CDH4: variants seen among roughly 807,000 people sequenced by gnomAD.
CDH4 encodes cadherin-4.
Under a neutral mutation model 86.0 loss-of-function variants are expected in CDH4, and 33 were observed. That is an observed-to-expected ratio of 0.38 (90% CI 0.29 to 0.51). The LOEUF (loss-of-function observed/expected upper bound fraction) is 0.51. CDH4 is among the 20% of genes least tolerant of loss of function. The pLI is 0.86. For synonymous variants in CDH4, 555 were observed against 549.4 expected, an observed-to-expected ratio of 1.01 and a Z score of -0.14; for missense variants, 1,114 against 1,307.4, an observed-to-expected ratio of 0.85 and a Z score of 2.28.
intron 2 of CDH4, among the ~76,000 whole-genome samples, chr20:61,474,227 C>T (rs1405868906): frequency 1.6e-5 from 2 of 123,612 alleles, no homozygotes; most frequent in East Asian, 2.6e-4. Context: ...GTGGCGCAAT[C>T]TTGGCTCACT....
chr20:61,813,915 C>A (rs535874386), intron 4 of CDH4, among the ~76,000 whole-genome samples: 1 of 152,308 alleles, frequency 6.6e-6, no homozygotes, highest in African/African-American at 2.4e-5. Context: ...GCAGCTGAGG[C>A]CCTGGCCCAC....
chr20:61,674,711 T>C (rs1348074595), intron 2 of CDH4, among the ~76,000 whole-genome samples: 1 of 152,218 alleles, frequency 6.6e-6, no homozygotes, highest in Admixed American at 6.5e-5. Flanking sequence ...TGAAAAATTG[T>C]TCATGCGAAA....
chr20:61,649,230 GC>G (rs928537837), intron 2 of CDH4, among the ~76,000 whole-genome samples: 1 of 152,042 alleles, frequency 6.6e-6, no homozygotes, highest in African/African-American at 2.4e-5. Context: ...ACCCCACAGG[GC>G]CCCCCGAGCA....
intron 2 of CDH4, among the ~76,000 whole-genome samples, chr20:61,635,652 G>T (rs1202533313): frequency 4.6e-5 from 7 of 152,208 alleles, no homozygotes; most frequent in Non-Finnish European, 7.3e-5. Flanking sequence ...CACCACCAGA[G>T]AGGGCATCCC....
intron 2 of CDH4, among the ~76,000 whole-genome samples, chr20:61,735,627 TCTGC>T (rs2088253619): frequency 1.3e-5 from 2 of 152,178 alleles, no homozygotes; most frequent in Admixed American, 6.5e-5. Flanking sequence ...TGAGGCCACA[TCTGC>T]CCCCTCCGCT....
intron 2 of CDH4, among the ~76,000 whole-genome samples, chr20:61,639,992 T>C (rs1025059362): frequency 6.6e-6 from 1 of 152,204 alleles, no homozygotes; most frequent in Non-Finnish European, 1.5e-5. Context: ...TACTGTCTTA[T>C]AGGAGTTCTG....
intron 2 of CDH4, among the ~76,000 whole-genome samples, chr20:61,483,676 C>A (rs2085580271): frequency 6.7e-6 from 1 of 149,254 alleles, no homozygotes; most frequent in African/African-American, 2.5e-5. Flanking sequence ...CACCCGCCCC[C>A]CCCGCCCCGC....
chr20:61,440,454 C>T (rs1201966545), intron 2 of CDH4, among the ~76,000 whole-genome samples: 1 of 152,154 alleles, frequency 6.6e-6, no homozygotes, highest in African/African-American at 2.4e-5. Context: ...ATGTCTTTCA[C>T]CCTAAAAGTT....
At chr20:61,599,190 T>C (rs1211383506) in intron 2 of CDH4, among the ~76,000 whole-genome samples, 1 of 152,162 alleles carries the variant, frequency 6.6e-6, no homozygotes, top group Non-Finnish European at 1.5e-5. Context: ...CGTTTCCATG[T>C]CCTGCTGATC....
At chr20:61,522,736 G>A (rs1392808741) in intron 2 of CDH4, among the ~76,000 whole-genome samples, 1 of 134,846 alleles carries the variant, frequency 7.4e-6, no homozygotes, top group Non-Finnish European at 1.7e-5. Context: ...AAATGGCCGC[G>A]GGCTGTTGTC....
At chr20:61,265,610 C>T (rs796671816) in intron 2 of CDH4, among the ~76,000 whole-genome samples, 3 of 152,286 alleles carry the variant, frequency 2.0e-5, no homozygotes, top group African/African-American at 7.2e-5. Flanking sequence ...CTTACATGGA[C>T]CTTAGTGGTT....
chr20:61,644,513 C>G (rs2087041831), intron 2 of CDH4, among the ~76,000 whole-genome samples: 1 of 152,224 alleles, frequency 6.6e-6, no homozygotes, highest in Non-Finnish European at 1.5e-5. Flanking sequence ...CCACAGAGCC[C>G]CCGCTTTGAA....
At chr20:61,531,196 G>T (rs569614064) in intron 2 of CDH4, among the ~76,000 whole-genome samples, 1 of 152,164 alleles carries the variant, frequency 6.6e-6, no homozygotes, top group Non-Finnish European at 1.5e-5. Context: ...AGCAGGCCAG[G>T]CATAGTGGCT....
intron 3 of CDH4, among the ~76,000 whole-genome samples, chr20:61,772,065 G>C (rs1316582589): frequency 6.6e-6 from 1 of 152,234 alleles, no homozygotes; most frequent in Non-Finnish European, 1.5e-5. Context: ...TGGGCCCTAT[G>C]CTAAGCATGG....
chr20:61,652,946 T>A (rs148221135), intron 2 of CDH4, among the ~76,000 whole-genome samples: 1,686 of 121,666 alleles, frequency 0.014, 52 homozygotes, highest in African/African-American at 0.035. Context: ...TTATTTTTTT[T>A]TTTTTTTTTA....
At chr20:61,460,111 T>G (rs1250909403) in intron 2 of CDH4, among the ~76,000 whole-genome samples, 1 of 152,134 alleles carries the variant, frequency 6.6e-6, no homozygotes, top group Non-Finnish European at 1.5e-5. Flanking sequence ...CAATAAATAT[T>G]TGTTAAATGA....
At chr20:61,742,971 C>T (rs1028719121) in intron 2 of CDH4, among the ~76,000 whole-genome samples, 5 of 152,164 alleles carry the variant, frequency 3.3e-5, no homozygotes, top group Non-Finnish European at 7.3e-5. Context: ...CCTAGCCCAC[C>T]CCAAGGCCAT....
chr20:61,499,370 C>T, intron 2 of CDH4: 2 of 1,052,822 alleles, frequency 1.9e-6, no homozygotes, highest in Non-Finnish European at 2.6e-6. Context: ...GTGCCTCTTG[C>T]TCTGCCCTGT....
intron 2 of CDH4, among the ~76,000 whole-genome samples, chr20:61,558,826 G>C (rs1264027209): frequency 6.6e-6 from 1 of 152,240 alleles, no homozygotes; most frequent in Non-Finnish European, 1.5e-5. Flanking sequence ...CTCCTGAGAA[G>C]GTCTCACCTC....
Sources: allele counts gnomAD v4.1 joint callset (sites outside exome capture counted in the v4.1 genomes callset), GRCh38; gene constraint gnomAD v4.1.1; transcripts MANE v1.5; gene names NCBI Gene and HGNC (gene_info 2026-07-23, HGNC 2026-07-21).